The following CFAP161 variants were observed in gnomAD, a reference collection of about 807,000 sequenced individuals.
CFAP161 encodes the protein cilia and flagella associated protein 161.
In CFAP161, 25 loss-of-function variants were observed where a neutral mutation model predicts 29.0. The ratio of observed to expected loss-of-function variants is 0.86; its 90% CI spans 0.63 to 1.20. The LOEUF is 1.20. Among genes scored for constraint, CFAP161 ranks in the 50% most tolerant of loss-of-function variants. The pLI, the probability that CFAP161 is intolerant of heterozygous loss-of-function variation, is 0.00. For missense variants in CFAP161, 367 were observed against 371.9 expected (o/e 0.99, Z 0.11); for synonymous variants, 116 against 137.4 (o/e 0.84, Z 1.09).
At chr15:81,139,289 C>T (rs1894864684) in intron 4 of CFAP161, among the ~76,000 whole-genome samples, 1 of 151,364 alleles carries the variant, frequency 6.6e-6, no homozygotes, top group Admixed American at 6.6e-5. Flanking sequence ...AGAAAGAGAC[C>T]CTGTGTCAAA....
chr15:81,127,232 C>T (rs990664261), intron 1 of CFAP161, among the ~76,000 whole-genome samples: 3 of 152,166 alleles, frequency 2.0e-5, no homozygotes, highest in African/African-American at 7.2e-5. Context: ...TGCCCTGTGG[C>T]TTTTAATTAG....
At chr15:81,127,200 C>T (rs910204032) in intron 1 of CFAP161, among the ~76,000 whole-genome samples, 2 of 152,118 alleles carry the variant, frequency 1.3e-5, no homozygotes, top group Non-Finnish European at 2.9e-5. Context: ...GAATTTAGAC[C>T]CGTGTTTTAG....
At chr15:81,128,632 A>G (rs1186943286) in intron 2 of CFAP161, among the ~76,000 whole-genome samples, 6 of 152,214 alleles carry the variant, frequency 3.9e-5, no homozygotes, top group Non-Finnish European at 8.8e-5. Context: ...AAAGTCATCC[A>G]TGAGGATTGA....
intron 2 of CFAP161, among the ~76,000 whole-genome samples, chr15:81,128,798 C>A (rs1894672781): frequency 1.3e-5 from 2 of 152,028 alleles, no homozygotes; most frequent in African/African-American, 4.8e-5. Context: ...TCTTTGGCAG[C>A]TATGGCCTTA....
rs183827094 is a variant in CFAP161, at chr15:81,138,111, A to G, written c.453A>G (p.Ile151Met). The change falls in exon 4 of 7, where the codon ATA (isoleucine) becomes ATG (methionine). Residue 151 changes from isoleucine (I) to methionine (M), a missense_variant. Transcript: ENST00000286732. The part of the protein sequence containing the change: ...LRYGQDFCLG[I>M]TGGFDNKMLY... Reference sequence around the variant, plus strand: ...ATGGGCAGGACTTTTGCCTGGGGATAACAGGAGGATTTGACAACAAAATGG... The same window carrying G: ...ATGGGCAGGACTTTTGCCTGGGGATGACAGGAGGATTTGACAACAAAATGG... 1.3e-3 allele frequency: 2,127 copies of G among 1,612,882 alleles called. 38 individuals carry two copies. In the Admixed American group the frequency reaches 0.033, roughly 25 times the overall value.
intron 1 of CFAP161, among the ~76,000 whole-genome samples, chr15:81,124,897 T>A (rs1330526110): frequency 6.6e-6 from 1 of 152,140 alleles, no homozygotes; most frequent in Non-Finnish European, 1.5e-5. Flanking sequence ...TAATTTTTAA[T>A]GTATATTAAT....
intron 4 of CFAP161, 132 bp downstream of exon 4, chr15:81,138,267 A>T (rs1894846503): frequency 1.4e-6 from 1 of 700,290 alleles, no homozygotes; most frequent in African/African-American, 1.8e-5. Context: ...CTATGGTGTC[A>T]GCTTGCAGCT....
intron 2 of CFAP161, 142 bp from the exon 3 acceptor site, chr15:81,136,374 G>A (rs935624028): frequency 4.3e-6 from 3 of 699,372 alleles, no homozygotes; most frequent in African/African-American, 1.8e-5. Context: ...GAAGGGAAAG[G>A]AAGAAGGAAC....
upstream of CFAP161, among the ~76,000 whole-genome samples, chr15:81,132,230 T>C (rs573055955): frequency 8.5e-5 from 13 of 152,264 alleles, no homozygotes; most frequent in Admixed American, 5.2e-4. Context: ...TGAGCCGAGA[T>C]TGTGCTGCTG....
chr15:81,118,051 A>G, intron 1 of CFAP161: 2 of 508,534 alleles, frequency 3.9e-6, no homozygotes, highest in South Asian at 4.1e-5. Flanking sequence ...CAGGCTTTTT[A>G]GACATTCCAA....
chr15:81,129,669 G>A (rs1848706), upstream of CFAP161, among the ~76,000 whole-genome samples: 87,635 of 152,000 alleles, frequency 0.58, 26,549 homozygotes, highest in Non-Finnish European at 0.69. Context: ...TTTCAGAATA[G>A]TAAATGAGCA....
At chr15:81,134,269 C>T (rs563693850), upstream of CFAP161, 16 of 1,544,414 alleles carry the variant, frequency 1.0e-5, no homozygotes, top group African/African-American at 9.5e-5. Flanking sequence ...GTCGTCATGG[C>T]GACGCGCCAC....
At chr15:81,142,710 T>C (rs928119152) in intron 4 of CFAP161, among the ~76,000 whole-genome samples, 1 of 152,180 alleles carries the variant, frequency 6.6e-6, no homozygotes, top group Non-Finnish European at 1.5e-5. Flanking sequence ...CAGCCTTGCA[T>C]GGGAAAGGTG....
Position 81,143,803 on chromosome 15 carries a change from G to A in CFAP161, c.619G>A (p.Glu207Lys), listed in dbSNP as rs1015210208. The A allele has an allele frequency of 6.2e-7, 1 of 1,614,124 alleles. No individual in the cohort carries two copies. Among genetic ancestry groups the A allele is most frequent in the Non-Finnish European group, 8.5e-7 (1 of 1,179,992 alleles). Reference sequence around the variant, plus strand: ...TGACCCCCAGTTACGCCTGGAATATGAAGGCTTCCCCGTCCCGGTGAGTGC... The same window carrying A: ...TGACCCCCAGTTACGCCTGGAATATAAAGGCTTCCCCGTCCCGGTGAGTGC... ...FPDPQLRLEY[E>K]GFPVPANAKI... is the part of the protein sequence containing the mutation. The change falls in exon 5 of 7, where the codon GAA becomes AAA. Residue 207 changes from glutamate (E) to lysine (K), a missense_variant. Transcript: ENST00000286732.
chr15:81,135,929 T>C (rs980761926), intron 2 of CFAP161, among the ~76,000 whole-genome samples: 1 of 152,118 alleles, frequency 6.6e-6, no homozygotes, highest in Non-Finnish European at 1.5e-5. Flanking sequence ...ACTGGGTATA[T>C]ACCCAAAGGA....
At chr15:81,127,540 A>G (rs1349860505) in intron 1 of CFAP161, 1 of 152,330 alleles carries the variant, frequency 6.6e-6, no homozygotes, top group East Asian at 1.9e-4. Flanking sequence ...AAAGGCAAAA[A>G]GTCTTTTTTC....
At chr15:81,118,914 T>C (rs1894535868) in intron 1 of CFAP161, among the ~76,000 whole-genome samples, 1 of 152,236 alleles carries the variant, frequency 6.6e-6, no homozygotes, top group Non-Finnish European at 1.5e-5. Flanking sequence ...TGAGATAAAA[T>C]TTCCTGAAAT....
intron 1 of CFAP161, among the ~76,000 whole-genome samples, chr15:81,107,727 A>G (rs1894389118): frequency 6.6e-6 from 1 of 152,166 alleles, no homozygotes; most frequent in South Asian, 2.1e-4. Context: ...CTCAGTCTCA[A>G]ATAAATAAAA....
chr15:81,105,694 C>T (rs77562137), intron 1 of CFAP161, among the ~76,000 whole-genome samples: 3,980 of 152,252 alleles, frequency 0.026, 195 homozygotes, highest in African/African-American at 0.088. Flanking sequence ...TTAACACTTC[C>T]GGGCTGCTAT....
Sources: gnomAD v4.1 joint callset for allele counts (sites outside exome capture counted in the v4.1 genomes callset) on GRCh38, gnomAD v4.1.1 for gene constraint, MANE v1.5 for transcripts, NCBI Gene and HGNC (gene_info 2026-07-23, HGNC 2026-07-21) for gene names.